The following FGF12 variants were observed in gnomAD, a reference collection of about 807,000 sequenced individuals.
FGF12 encodes the protein fibroblast growth factor 12, also known as fibroblast growth factor 12B.
In FGF12, 14 loss-of-function variants were observed where a neutral mutation model predicts 23.6. The observed-to-expected ratio is 0.59, with a 90% CI of 0.39 to 0.93. The LOEUF (loss-of-function observed/expected upper bound fraction) is 0.93. Among genes scored for constraint, FGF12 ranks in the 40% least tolerant of loss-of-function variants. The pLI is 0.00. For synonymous variants in FGF12, 62 were observed against 77.3 expected (o/e 0.80, Z 1.04); for missense variants, 175 against 217.8 (o/e 0.80, Z 1.24).
intron 2 of FGF12, among the ~76,000 whole-genome samples, chr3:192,614,833 C>T (rs761074002): frequency 2.6e-5 from 4 of 151,916 alleles, no homozygotes; most frequent in East Asian, 1.9e-4. Context: ...TCCCATCTAC[C>T]GCAATCTCTA....
intron 2 of FGF12, among the ~76,000 whole-genome samples, chr3:192,603,432 C>A (rs1410684146): frequency 6.6e-6 from 1 of 152,018 alleles, no homozygotes; most frequent in Admixed American, 6.6e-5. Context: ...ATTCCATTTA[C>A]AATATCAACA....
intron 4 of FGF12, among the ~76,000 whole-genome samples, chr3:192,253,673 A>G (rs1712184806): frequency 6.6e-6 from 1 of 152,072 alleles, no homozygotes; most frequent in African/African-American, 2.4e-5. Flanking sequence ...TTATGTTTGG[A>G]GTCTTGCCCT....
intron 2 of FGF12, among the ~76,000 whole-genome samples, chr3:192,365,993 A>ACC (rs1348628231): frequency 6.7e-6 from 1 of 149,376 alleles, no homozygotes; most frequent in Non-Finnish European, 1.5e-5. Context: ...AAAAAAAAAA[A>ACC]AACAACAACA....
chr3:192,376,750 C>A (rs1719529827), intron 2 of FGF12, among the ~76,000 whole-genome samples: 2 of 152,168 alleles, frequency 1.3e-5, no homozygotes, highest in East Asian at 3.8e-4. Context: ...AATTAATAAA[C>A]TTTTAAAACA....
chr3:192,295,858 T>G (rs1714999707), intron 4 of FGF12, among the ~76,000 whole-genome samples: 1 of 151,822 alleles, frequency 6.6e-6, no homozygotes, highest in Non-Finnish European at 1.5e-5. Context: ...ATAGAAATAT[T>G]TAATTTAATT....
intron 2 of FGF12, among the ~76,000 whole-genome samples, chr3:192,552,350 A>T (rs1278679055): frequency 6.6e-6 from 1 of 152,134 alleles, no homozygotes; most frequent in African/African-American, 2.4e-5. Flanking sequence ...GTAGGAGAGA[A>T]GAAAAGGTAG....
At chr3:192,707,735 A>G (rs1325597866) in intron 2 of FGF12, among the ~76,000 whole-genome samples, 3 of 72,018 alleles carry the variant, frequency 4.2e-5, no homozygotes, top group African/African-American at 1.6e-4. Context: ...ACAAAGCGAG[A>G]CTCCTTCTCA....
At chr3:192,407,207 G>A (rs1720989195) in intron 2 of FGF12, among the ~76,000 whole-genome samples, 2 of 152,286 alleles carry the variant, frequency 1.3e-5, no homozygotes, top group South Asian at 4.1e-4. Flanking sequence ...AAGAGAATTA[G>A]CTTCAGAAAG....
chr3:192,223,231 A>G (rs918374605), intron 4 of FGF12, among the ~76,000 whole-genome samples: 2 of 152,120 alleles, frequency 1.3e-5, no homozygotes, highest in African/African-American at 4.8e-5. Flanking sequence ...TAAAAACAAC[A>G]CAAAGCCCTC....
intron 2 of FGF12, among the ~76,000 whole-genome samples, chr3:192,552,366 G>A (rs1026625909): frequency 3.3e-5 from 5 of 151,434 alleles, no homozygotes; most frequent in African/African-American, 1.2e-4. Context: ...GGTAGGGAGA[G>A]AAAAAGAAGC....
intron 4 of FGF12, among the ~76,000 whole-genome samples, chr3:192,212,125 C>T (rs1040139999): frequency 4.6e-5 from 7 of 152,172 alleles, no homozygotes; most frequent in Admixed American, 1.3e-4. Context: ...CACAGCAGGG[C>T]CTACCTTTAA....
chr3:192,435,957 T>G (rs980456223), intron 2 of FGF12, among the ~76,000 whole-genome samples: 3 of 152,250 alleles, frequency 2.0e-5, no homozygotes, highest in South Asian at 4.1e-4. Context: ...GAATATTTTT[T>G]GAAACAACAC....
At chr3:192,637,598 T>C (rs969747662) in intron 2 of FGF12, among the ~76,000 whole-genome samples, 3 of 152,174 alleles carry the variant, frequency 2.0e-5, no homozygotes, top group African/African-American at 7.2e-5. Context: ...TTTTAGGAAG[T>C]CTTGTCAAAG....
At chr3:192,330,802 T>C (rs1490545298) in intron 4 of FGF12, among the ~76,000 whole-genome samples, 1 of 152,138 alleles carries the variant, frequency 6.6e-6, no homozygotes, top group Non-Finnish European at 1.5e-5. Context: ...TTGGCAACTA[T>C]ATCTTGGATA....
chr3:192,705,449 G>T (rs1405231482), intron 2 of FGF12, among the ~76,000 whole-genome samples: 1 of 152,176 alleles, frequency 6.6e-6, no homozygotes, highest in Non-Finnish European at 1.5e-5. Flanking sequence ...AGTCAATTAT[G>T]TCTACAACAC....
chr3:192,301,754 A>C (rs1715360332), intron 4 of FGF12, among the ~76,000 whole-genome samples: 2 of 151,996 alleles, frequency 1.3e-5, no homozygotes, highest in South Asian at 4.1e-4. Context: ...GAATTATGAC[A>C]CTCTTCAACA....
intron 2 of FGF12, among the ~76,000 whole-genome samples, chr3:192,667,482 T>C (rs1279897462): frequency 2.0e-5 from 3 of 151,326 alleles, no homozygotes; most frequent in African/African-American, 4.9e-5. Flanking sequence ...TGGTGGCGTG[T>C]ACCTGTAGTC....
chr3:192,378,800 T>TC (rs1157649777), intron 2 of FGF12, among the ~76,000 whole-genome samples: 1 of 152,112 alleles, frequency 6.6e-6, no homozygotes, highest in Non-Finnish European at 1.5e-5. Flanking sequence ...TATGCAGGTT[T>TC]TTTATACAGG....
chr3:192,676,136 G>T (rs1319483152), intron 2 of FGF12, among the ~76,000 whole-genome samples: 1 of 152,220 alleles, frequency 6.6e-6, no homozygotes. Flanking sequence ...TTAGCATTAA[G>T]TTAAAATAAA....
Sources: allele counts gnomAD v4.1 joint callset (sites outside exome capture counted in the v4.1 genomes callset), GRCh38; gene constraint gnomAD v4.1.1; transcripts MANE v1.5; gene names NCBI Gene and HGNC (gene_info 2026-07-23, HGNC 2026-07-21).